Variants in NAA60 observed in about 807,000 individuals in gnomAD.
NAA60 encodes the protein N-alpha-acetyltransferase 60.
NAA60 carries 8 observed loss-of-function variants against 26.1 expected under a neutral mutation model. That is an observed-to-expected ratio of 0.31 (90% CI 0.18 to 0.55). NAA60 has a LOEUF of 0.55. Among genes scored for constraint, NAA60 ranks in the 20% least tolerant of loss-of-function variants. The pLI is 0.93. For synonymous variants in NAA60, 131 were observed against 122.5 expected, an observed-to-expected ratio of 1.07 and a Z score of -0.46; for missense variants, 290 against 311.3, an observed-to-expected ratio of 0.93 and a Z score of 0.51.
At chr16:3,453,628 G>A (rs1158898477) in intron 2 of NAA60, among the ~76,000 whole-genome samples, 2 of 151,998 alleles carry the variant, frequency 1.3e-5, no homozygotes, top group East Asian at 1.9e-4. Context: ...GGCTGGTCTC[G>A]AACTCCCAAC....
intron 2 of NAA60, among the ~76,000 whole-genome samples, chr16:3,461,884 T>C (rs2035419822): frequency 6.6e-6 from 1 of 152,140 alleles, no homozygotes; most frequent in Admixed American, 6.5e-5. Flanking sequence ...GCTCACAAGT[T>C]CGAGAGCGGC....
chr16:3,467,454 C>G (rs187976642), intron 2 of NAA60, among the ~76,000 whole-genome samples: 2 of 152,124 alleles, frequency 1.3e-5, no homozygotes, highest in African/African-American at 4.8e-5. Flanking sequence ...CCTTTCCAAG[C>G]GCAGCATGAC....
intron 2 of NAA60, among the ~76,000 whole-genome samples, chr16:3,461,603 G>T (rs1221968345): frequency 1.3e-5 from 2 of 152,114 alleles, no homozygotes. Flanking sequence ...GCCCCAAAAT[G>T]GACTCTTAAA....
At chr16:3,446,985 G>A (rs538274534) in intron 1 of NAA60, among the ~76,000 whole-genome samples, 3 of 152,020 alleles carry the variant, frequency 2.0e-5, no homozygotes, top group South Asian at 2.1e-4. Context: ...GGGACTATAG[G>A]TGCGTACCAC....
chr16:3,482,968 A>G, intron 5 of NAA60: 1 of 471,596 alleles, frequency 2.1e-6, no homozygotes. Flanking sequence ...CGAGGAAGCA[A>G]CACTCACCGT....
At chr16:3,476,868 C>T (rs570642007) in intron 3 of NAA60, among the ~76,000 whole-genome samples, 65 of 151,930 alleles carry the variant, frequency 4.3e-4, no homozygotes, top group Non-Finnish European at 8.5e-4. Context: ...ATGGAGAAAC[C>T]CCGTCTCTAC....
In NAA60 at chr16:3,484,504, CTGT is replaced by C. The variant is rs1367441815; in HGVS notation, c.573-190_573-188del. On this transcript the variant is annotated intron_variant, in intron 6 of 7. Coordinates refer to ENST00000407558, the MANE Select transcript of NAA60 (RefSeq NM_001083601.3). ...CCCTTCTGTCCCCAGACCCCACCCT[CTGT>C]TGTTTTGCACAGCAGAGGCCACTTC... 1.8e-4 allele frequency: 121 copies of C among 671,860 alleles called. No individual in the cohort carries two copies. The South Asian group carries it at 2.3e-3, about 13-fold the overall frequency. The allele number at this position is 671,860 out of a possible 1,614,324, so 41.6% of individuals were successfully genotyped here. A position where few individuals can be genotyped will look rare whatever the true frequency, so the allele number is the denominator to read the frequency against.
intron 2 of NAA60, among the ~76,000 whole-genome samples, chr16:3,463,612 C>T: frequency 6.6e-6 from 1 of 150,908 alleles, no homozygotes; most frequent in South Asian, 2.1e-4. Context: ...GACCTGTAAT[C>T]CCAGCTACTT....
In NAA60 at chr16:3,443,923, G is replaced by A. The variant is rs1460655945; in HGVS notation, c.-77+86G>A. On this transcript the variant is annotated intron_variant, in intron 1 of 7. Transcript: ENST00000407558. ...TTGAGAGGGCGGGGGTTCGGGCCTAGCCTGGGCTTGAGCTGTCCTTTGTGT... is the reference window on the plus strand; with the variant it reads ...TTGAGAGGGCGGGGGTTCGGGCCTAACCTGGGCTTGAGCTGTCCTTTGTGT... The A allele has an allele frequency of 1.5e-5, 22 of 1,457,662 alleles. No homozygotes were observed. In the East Asian group the frequency reaches 5.4e-4, roughly 36 times the overall value. 90.3% of individuals were successfully genotyped at this position (1,457,662 alleles called of 1,614,324 possible). A position where few individuals can be genotyped will look rare whatever the true frequency, so the allele number is the denominator to read the frequency against.
chr16:3,475,241 C>T (rs1361936738), intron 2 of NAA60, among the ~76,000 whole-genome samples: 2 of 152,120 alleles, frequency 1.3e-5, no homozygotes, highest in African/African-American at 4.8e-5. Context: ...AGTTGCCCGC[C>T]ACCAAGCCTG....
At chr16:3,479,979 T>C (rs1567396873) in intron 4 of NAA60, among the ~76,000 whole-genome samples, 1 of 152,194 alleles carries the variant, frequency 6.6e-6, no homozygotes, top group Non-Finnish European at 1.5e-5. Flanking sequence ...AAATGCTAGT[T>C]ACAGTTAGAG....
intron 3 of NAA60, among the ~76,000 whole-genome samples, chr16:3,478,964 G>T (rs145881834): frequency 6.6e-6 from 1 of 152,124 alleles, no homozygotes; most frequent in East Asian, 1.9e-4. Context: ...GGCCAGGCGC[G>T]GTGGCTCACA....
chr16:3,461,244 G>A (rs920577681), intron 2 of NAA60, among the ~76,000 whole-genome samples: 6 of 152,192 alleles, frequency 3.9e-5, no homozygotes, highest in African/African-American at 1.4e-4. Flanking sequence ...AGTGCTTGTG[G>A]GAGTGATAGG....
Position 3,449,256 on chromosome 16 carries a change from C to T in NAA60, c.-7+716C>T, listed in dbSNP as rs146486366. 2.8e-4 allele frequency among the ~76,000 whole-genome samples: 42 copies of T among 152,206 alleles called. No individual in the cohort carries two copies. The East Asian group carries it at 3.1e-3, about 11-fold the overall frequency. On this transcript the variant is annotated intron_variant, in intron 2 of 7. Coordinates refer to ENST00000407558, the MANE Select transcript of NAA60 (RefSeq NM_001083601.3). ...CGGGTGTGCTGGGCGTGGTGGCTCA[C>T]GTCTGTAATCCCAGCACTTTGGGAG...
chr16:3,485,834 C>A lies in NAA60; in HGVS notation c.*574C>A. 2 of 365,822 alleles carry A rather than the reference C, an allele frequency of 5.5e-6. No individual in the cohort carries two copies. Among genetic ancestry groups the A allele is most frequent in the Non-Finnish European group, 1.1e-5 (2 of 184,650 alleles). 22.7% of individuals were successfully genotyped at this position (365,822 alleles called of 1,614,324 possible). On this transcript the variant is annotated 3_prime_UTR_variant, in exon 8 of 8. Transcript: ENST00000407558. The stretch of plus-strand genomic sequence containing the variant: ...CCATGAGGGGCTGATGAGGGGTGGG[C>A]AGCCTGGGGGAGGCTTTCCTCGCAA...
In NAA60 at chr16:3,463,301, A is replaced by G. The variant is rs118050873; in HGVS notation, c.-6-12921A>G. On this transcript the variant is annotated intron_variant, in intron 2 of 7. Transcript: ENST00000407558. ...GGTGGCTCATGCCTATAATCCTAGC[A>G]CTTTGGGAGGCCGAGGTAGGTGGAT... Among the ~76,000 whole-genome samples, 11 of 152,006 alleles carry G rather than the reference A, an allele frequency of 7.2e-5. No homozygotes were observed. The East Asian group carries it at 1.9e-3, about 27-fold the overall frequency.
In NAA60 at chr16:3,482,324, C is replaced by T. The variant is rs150023006; in HGVS notation, c.241-178C>T. Among the ~76,000 whole-genome samples the T allele has an allele frequency of 2.6e-3, 401 of 152,276 alleles. 1 individual carries two copies. Among genetic ancestry groups the T allele is most frequent in the African/African-American group, 8.6e-3 (357 of 41,546 alleles). On this transcript the variant is annotated intron_variant, in intron 4 of 7. Transcript: ENST00000407558. ...CTGTTTTTCACCAGAAGGGCATAAACGCTCTCATTTCCTTGGGGAGTGGGG... is the reference window on the plus strand; with the variant it reads ...CTGTTTTTCACCAGAAGGGCATAAATGCTCTCATTTCCTTGGGGAGTGGGG...
chr16:3,450,933 G>C (rs760789609), intron 2 of NAA60, among the ~76,000 whole-genome samples: 4 of 152,160 alleles, frequency 2.6e-5, no homozygotes, highest in Non-Finnish European at 5.9e-5. Flanking sequence ...TTGTAAATTA[G>C]AATGTACAGT....
intron 2 of NAA60, among the ~76,000 whole-genome samples, chr16:3,454,901 G>A (rs977222565): frequency 6.6e-5 from 10 of 152,314 alleles, no homozygotes; most frequent in African/African-American, 2.2e-4. Flanking sequence ...TTTTTTTAGT[G>A]TACAAATAAC....
Sources: allele counts gnomAD v4.1 joint callset (sites outside exome capture counted in the v4.1 genomes callset), GRCh38; gene constraint gnomAD v4.1.1; transcripts MANE v1.5; gene names NCBI Gene and HGNC (gene_info 2026-07-23, HGNC 2026-07-21).